Variants in KCNMA1 observed in about 807,000 individuals in gnomAD.
KCNMA1 encodes the protein potassium calcium-activated channel subfamily M alpha 1, also known as Calcium-activated potassium channel subunit alpha-1.
KCNMA1 carries 29 observed loss-of-function variants against 140.0 expected under a neutral mutation model. The ratio of observed to expected loss-of-function variants is 0.21; its 90% CI spans 0.15 to 0.28. The LOEUF (loss-of-function observed/expected upper bound fraction) is 0.28. Among genes scored for constraint, KCNMA1 ranks in the 10% least tolerant of loss-of-function variants. The probability of loss-of-function intolerance (pLI) is 1.00; values close to 1 mark genes in which losing one functional copy is unlikely to be tolerated. For missense variants in KCNMA1, 880 were observed against 1,602.2 expected (o/e 0.55, Z 7.70); for synonymous variants, 612 against 611.9 (o/e 1.00, Z 0.00).
intron 18 of KCNMA1, among the ~76,000 whole-genome samples, chr10:77,002,073 G>A (rs184785774): frequency 2.7e-4 from 41 of 152,214 alleles, no homozygotes; most frequent in African/African-American, 9.9e-4. Flanking sequence ...TCCATTTCTG[G>A]GCATTAGGCA....
chr10:77,625,679 T>G (rs979045257), intron 1 of KCNMA1, among the ~76,000 whole-genome samples: 1 of 152,324 alleles, frequency 6.6e-6, no homozygotes, highest in African/African-American at 2.4e-5. Context: ...GTGTCAGACT[T>G]GCCTTCCTTT....
At chr10:77,075,296 G>A (rs1224653037) in intron 13 of KCNMA1, among the ~76,000 whole-genome samples, 1 of 152,218 alleles carries the variant, frequency 6.6e-6, no homozygotes. Context: ...TTACTTCCTG[G>A]GCATCGTAGA....
intron 2 of KCNMA1, among the ~76,000 whole-genome samples, chr10:77,376,146 C>T (rs1368108846): frequency 2.0e-5 from 3 of 152,178 alleles, no homozygotes; most frequent in Non-Finnish European, 4.4e-5. Flanking sequence ...GCTGGCATGG[C>T]CAAGAGATAC....
intron 1 of KCNMA1, among the ~76,000 whole-genome samples, chr10:77,582,289 T>C (rs1318745343): frequency 1.3e-5 from 2 of 152,264 alleles, no homozygotes; most frequent in Non-Finnish European, 2.9e-5. Flanking sequence ...ATATCTTTGT[T>C]TCTTCCTCTG....
intron 3 of KCNMA1, among the ~76,000 whole-genome samples, chr10:77,216,306 A>G (rs2047769104): frequency 6.6e-6 from 1 of 152,188 alleles, no homozygotes; most frequent in African/African-American, 2.4e-5. Flanking sequence ...ACTAGAAACC[A>G]CTTTAAATGA....
intron 1 of KCNMA1, among the ~76,000 whole-genome samples, chr10:77,505,444 A>G (rs557501299): frequency 6.6e-6 from 1 of 152,370 alleles, no homozygotes; most frequent in Non-Finnish European, 1.5e-5. Flanking sequence ...CCCTAACAGA[A>G]GATACAAAAG....
chr10:77,618,648 C>G (rs1239983191), intron 1 of KCNMA1, among the ~76,000 whole-genome samples: 5 of 152,214 alleles, frequency 3.3e-5, no homozygotes, highest in Non-Finnish European at 5.9e-5. Flanking sequence ...GAGGCCATAT[C>G]TGCCTGGGAT....
intron 2 of KCNMA1, among the ~76,000 whole-genome samples, chr10:77,392,775 T>C (rs1253928653): frequency 6.6e-6 from 1 of 152,180 alleles, no homozygotes; most frequent in Non-Finnish European, 1.5e-5. Context: ...GTGTGGTCAC[T>C]ACCTGTCAAA....
intron 3 of KCNMA1, among the ~76,000 whole-genome samples, chr10:77,237,772 C>A (rs2056034940): frequency 6.6e-6 from 1 of 152,178 alleles, no homozygotes; most frequent in African/African-American, 2.4e-5. Flanking sequence ...CCCAGCAGAC[C>A]TTTTTGCCCC....
At chr10:77,386,156 T>G (rs1163728426) in intron 2 of KCNMA1, among the ~76,000 whole-genome samples, 3 of 152,102 alleles carry the variant, frequency 2.0e-5, no homozygotes, top group Admixed American at 6.5e-5. Context: ...AAAGGAAACA[T>G]GGGGTCATCT....
At chr10:76,980,231 C>T (rs1406701696) in intron 19 of KCNMA1, 2 of 152,210 alleles carry the variant, frequency 1.3e-5, no homozygotes, top group African/African-American at 2.4e-5. Context: ...CCCAGGTCGG[C>T]TGACTTCTAA....
Position 77,579,416 on chromosome 10 carries a change from C to T in KCNMA1, c.378+57849G>A, listed in dbSNP as rs1035399471. 7.2e-5 allele frequency among the ~76,000 whole-genome samples: 11 copies of T among 152,298 alleles called. No individual in the cohort carries two copies. The South Asian group carries it at 2.1e-3, about 29-fold the overall frequency. The stretch of plus-strand genomic sequence containing the variant: ...AATTACTCAACTCTGCCACGGTAAG[C>T]TTGAAAGCAGCCATAAAAGATACAT... On this transcript the variant is annotated intron_variant, in intron 1 of 27. Coordinates refer to ENST00000286628, the MANE Select transcript of KCNMA1 (RefSeq NM_001161352.2).
intron 1 of KCNMA1, among the ~76,000 whole-genome samples, chr10:77,428,123 T>G (rs1427679322): frequency 6.6e-6 from 1 of 152,110 alleles, no homozygotes; most frequent in African/African-American, 2.4e-5. Context: ...GTCTGCTCCG[T>G]GAATTACACT....
intron 2 of KCNMA1, among the ~76,000 whole-genome samples, chr10:77,399,257 C>T (rs2096179608): frequency 6.6e-6 from 1 of 152,124 alleles, no homozygotes; most frequent in Non-Finnish European, 1.5e-5. Flanking sequence ...GAACAAAGTC[C>T]TCAATGACAC....
intron 9 of KCNMA1, among the ~76,000 whole-genome samples, chr10:77,092,739 A>C (rs950288834): frequency 6.6e-6 from 1 of 152,220 alleles, no homozygotes; most frequent in African/African-American, 2.4e-5. Flanking sequence ...TTATTACTCA[A>C]AGCTAGGCTC....
chr10:77,393,036 G>A (rs2095889803), intron 2 of KCNMA1, among the ~76,000 whole-genome samples: 1 of 152,250 alleles, frequency 6.6e-6, no homozygotes, highest in African/African-American at 2.4e-5. Context: ...AGCTCAGGGA[G>A]GCTATATGAA....
chr10:77,179,287 G>T (rs2098782200), intron 5 of KCNMA1, among the ~76,000 whole-genome samples: 2 of 152,148 alleles, frequency 1.3e-5, no homozygotes, highest in South Asian at 4.1e-4. Flanking sequence ...TCAGAGCTGA[G>T]CTTTAATCTA....
chr10:77,130,160 C>G (rs1395392540), intron 5 of KCNMA1, among the ~76,000 whole-genome samples: 1 of 152,198 alleles, frequency 6.6e-6, no homozygotes, highest in African/African-American at 2.4e-5. Context: ...AATGGTTCAA[C>G]TTAATGATTT....
intron 20 of KCNMA1, among the ~76,000 whole-genome samples, chr10:76,959,900 T>C (rs2070292475): frequency 6.6e-6 from 1 of 152,188 alleles, no homozygotes; most frequent in Non-Finnish European, 1.5e-5. Context: ...GCTCTGTGTA[T>C]ACATGGGAAA....
Sources: gnomAD v4.1 joint callset for allele counts (sites outside exome capture counted in the v4.1 genomes callset) on GRCh38, gnomAD v4.1.1 for gene constraint, MANE v1.5 for transcripts, NCBI Gene and HGNC (gene_info 2026-07-23, HGNC 2026-07-21) for gene names.